Variants in FGF14 observed in about 807,000 individuals in gnomAD.
FGF14 encodes the protein fibroblast growth factor homologous factor 4.
FGF14 carries 5 observed loss-of-function variants against 25.5 expected under a neutral mutation model. The observed-to-expected ratio is 0.20, with a 90% CI of 0.10 to 0.41. The LOEUF is 0.41. FGF14 is among the 10% of genes least tolerant of loss of function. The pLI is 1.00. For synonymous variants in FGF14, 138 were observed against 118.3 expected, an observed-to-expected ratio of 1.17 and a Z score of -1.08; for missense variants, 222 against 320.1, an observed-to-expected ratio of 0.69 and a Z score of 2.34.
At chr13:101,965,371 G>T (rs922742968) in intron 1 of FGF14, among the ~76,000 whole-genome samples, 4 of 152,100 alleles carry the variant, frequency 2.6e-5, no homozygotes, top group Non-Finnish European at 5.9e-5. Context: ...GTGAAGAACT[G>T]CATGGCAGAA....
intron 1 of FGF14, among the ~76,000 whole-genome samples, chr13:101,967,042 C>T (rs1196908226): frequency 2.6e-5 from 4 of 151,940 alleles, no homozygotes; most frequent in African/African-American, 9.7e-5. Flanking sequence ...TGACATAATG[C>T]TATTTTGTTC....
At chr13:102,004,769 C>A (rs562222337) in intron 1 of FGF14, among the ~76,000 whole-genome samples, 1 of 152,102 alleles carries the variant, frequency 6.6e-6, no homozygotes, top group Admixed American at 6.5e-5. Flanking sequence ...GGGGCTGTAA[C>A]CCCCATGCTG....
chr13:102,033,161 T>C (rs2041294963), intron 1 of FGF14, among the ~76,000 whole-genome samples: 1 of 152,120 alleles, frequency 6.6e-6, no homozygotes, highest in East Asian at 1.9e-4. Flanking sequence ...ATCTTCATGA[T>C]CAGTTACTTT....
At chr13:101,881,487 T>G (rs1168093483) in intron 1 of FGF14, among the ~76,000 whole-genome samples, 1 of 152,228 alleles carries the variant, frequency 6.6e-6, no homozygotes, top group Non-Finnish European at 1.5e-5. Flanking sequence ...TTTTAAGTTG[T>G]AATTACATAT....
At position 102,300,910 on chromosome 13, in the gene FGF14, TATGCACACAGACACACACACACACAC is replaced by T. The variant is rs2055004949; in HGVS notation, c.208+100535_208+100560del. Among the ~76,000 whole-genome samples, 8 of 132,532 alleles carry T rather than the reference TATGCACACAGACACACACACACACAC, an allele frequency of 6.0e-5. No individual in the cohort carries two copies. The South Asian group carries it at 2.0e-3, about 32-fold the overall frequency. 86.9% of individuals were successfully genotyped at this position (132,532 alleles called of 152,430 possible). ...CCTGACGCCCCAAAGTCCTTACCAA[TATGCACACAGACACACACACACACAC>T]ATACACACACACACACACACACACA... On this transcript the variant is annotated intron_variant, in intron 1 of 4. Coordinates refer to the FGF14 transcript ENST00000376131.
chr13:102,239,165 G>A (rs1287421696), intron 1 of FGF14, among the ~76,000 whole-genome samples: 1 of 152,084 alleles, frequency 6.6e-6, no homozygotes, highest in African/African-American at 2.4e-5. Context: ...AAGCCCTGAA[G>A]TAGCAATTGC....
At chr13:102,047,860 T>G (rs9557794) in intron 1 of FGF14, among the ~76,000 whole-genome samples, 60,022 of 151,904 alleles carry the variant, frequency 0.4, 12,380 homozygotes, top group East Asian at 0.73. Flanking sequence ...ATAGTTTTTC[T>G]CAACATTAAA....
intron 1 of FGF14, among the ~76,000 whole-genome samples, chr13:102,366,142 G>A (rs923148985): frequency 6.6e-6 from 1 of 152,124 alleles, no homozygotes; most frequent in Non-Finnish European, 1.5e-5. Flanking sequence ...TTAAGAGAAT[G>A]TTAAATCAAA....
At chr13:101,850,719 TAGAG>T (rs199824495) in intron 3 of FGF14, among the ~76,000 whole-genome samples, 7 of 146,360 alleles carry the variant, frequency 4.8e-5, no homozygotes, top group East Asian at 2.0e-4. Context: ...AATACATATA[TAGAG>T]AGAGAAGATA....
At chr13:102,197,875 C>T (rs2049435112) in intron 1 of FGF14, among the ~76,000 whole-genome samples, 1 of 152,140 alleles carries the variant, frequency 6.6e-6, no homozygotes, top group Admixed American at 6.5e-5. Context: ...CACAGTAGCC[C>T]ACTCCTGATT....
chr13:101,819,837 T>G (rs2042023857), intron 3 of FGF14, among the ~76,000 whole-genome samples: 2 of 152,014 alleles, frequency 1.3e-5, no homozygotes, highest in African/African-American at 4.8e-5. Flanking sequence ...AAATCCTCAC[T>G]TTTGCACAGC....
chr13:102,161,635 AAG>A (rs1455854721), intron 1 of FGF14, among the ~76,000 whole-genome samples: 1 of 11,398 alleles, frequency 8.8e-5, no homozygotes, highest in Non-Finnish European at 1.5e-4. Flanking sequence ...GAAGAAGAAG[AAG>A]AAGAAGAAGA....
At chr13:101,998,212 G>C (rs2039292802) in intron 1 of FGF14, among the ~76,000 whole-genome samples, 1 of 152,144 alleles carries the variant, frequency 6.6e-6, no homozygotes, top group South Asian at 2.1e-4. Flanking sequence ...CTTAGAAGGA[G>C]AATGCACCAT....
intron 1 of FGF14, among the ~76,000 whole-genome samples, chr13:102,312,758 G>A (rs2055836762): frequency 6.6e-6 from 1 of 152,152 alleles, no homozygotes; most frequent in Admixed American, 6.6e-5. Flanking sequence ...GGATTTGAAA[G>A]CTTCTGATAG....
At chr13:102,136,217 GT>G (rs1304335441) in intron 1 of FGF14, among the ~76,000 whole-genome samples, 2 of 151,870 alleles carry the variant, frequency 1.3e-5, no homozygotes, top group African/African-American at 4.8e-5. Context: ...GATATTTATC[GT>G]GAACTTATTA....
At chr13:102,103,004 T>C (rs887544042) in intron 1 of FGF14, among the ~76,000 whole-genome samples, 1 of 152,190 alleles carries the variant, frequency 6.6e-6, no homozygotes, top group Non-Finnish European at 1.5e-5. Context: ...CTGTGACATC[T>C]GCCTGGCAAA....
intron 1 of FGF14, among the ~76,000 whole-genome samples, chr13:102,119,743 A>G (rs1459814236): frequency 6.6e-6 from 1 of 152,252 alleles, no homozygotes; most frequent in East Asian, 1.9e-4. Flanking sequence ...TGCACACCAA[A>G]TATAACAAAC....
chr13:101,842,887 C>G (rs73561293), intron 3 of FGF14, among the ~76,000 whole-genome samples: 15 of 152,142 alleles, frequency 9.9e-5, no homozygotes, highest in African/African-American at 3.4e-4. Context: ...GCTGGGACAC[C>G]TTTGAGGATA....
At chr13:102,050,525 G>A (rs927591986) in intron 1 of FGF14, among the ~76,000 whole-genome samples, 1 of 152,108 alleles carries the variant, frequency 6.6e-6, no homozygotes, top group Non-Finnish European at 1.5e-5. Flanking sequence ...ATAAGCTGAT[G>A]TTCTGTCTAA....
Sources: allele counts gnomAD v4.1 joint callset (sites outside exome capture counted in the v4.1 genomes callset), GRCh38; gene constraint gnomAD v4.1.1; transcripts MANE v1.5; gene names NCBI Gene and HGNC (gene_info 2026-07-23, HGNC 2026-07-21).